Variants in GNAQ observed in about 807,000 individuals in gnomAD.
GNAQ encodes the protein guanine nucleotide-binding protein G(q) subunit alpha.
In GNAQ, 8 loss-of-function variants were observed where a neutral mutation model predicts 43.9. The ratio of observed to expected loss-of-function variants is 0.18; its 90% CI spans 0.11 to 0.33. The LOEUF is 0.33. Among genes scored for constraint, GNAQ ranks in the 10% least tolerant of loss-of-function variants. The pLI is 1.00. For synonymous variants in GNAQ, 155 were observed against 170.7 expected, an observed-to-expected ratio of 0.91 and a Z score of 0.71; for missense variants, 158 against 450.8, an observed-to-expected ratio of 0.35 and a Z score of 5.88.
At chr9:77,845,095 T>A (rs532845876) in intron 2 of GNAQ, among the ~76,000 whole-genome samples, 64 of 152,332 alleles carry the variant, frequency 4.2e-4, no homozygotes, top group African/African-American at 5.8e-4. Flanking sequence ...AGTTTTTTTT[T>A]AAAGCATTTC....
chr9:77,899,394 G>T (rs988802369), intron 2 of GNAQ, among the ~76,000 whole-genome samples: 2 of 151,994 alleles, frequency 1.3e-5, no homozygotes, highest in Non-Finnish European at 2.9e-5. Flanking sequence ...ACTGTGTCCG[G>T]TCTCATTCAC....
intron 5 of GNAQ, among the ~76,000 whole-genome samples, chr9:77,778,317 T>C (rs1462590559): frequency 6.6e-6 from 1 of 151,940 alleles, no homozygotes; most frequent in African/African-American, 2.4e-5. Context: ...TATTTTGTTA[T>C]TACAAGGTAC....
At chr9:77,762,102 C>T (rs1402006760) in intron 5 of GNAQ, among the ~76,000 whole-genome samples, 6 of 131,676 alleles carry the variant, frequency 4.6e-5, no homozygotes, top group East Asian at 2.5e-4. Flanking sequence ...CCTGGCCAGC[C>T]GCCCCATCCG....
chr9:78,021,889 T>C (rs1823914836), intron 1 of GNAQ, among the ~76,000 whole-genome samples: 1 of 152,256 alleles, frequency 6.6e-6, no homozygotes. Flanking sequence ...CGAGCAGCGC[T>C]GGAACACTGC....
intron 5 of GNAQ, among the ~76,000 whole-genome samples, chr9:77,742,325 C>CA (rs1465862929): frequency 6.6e-6 from 1 of 151,952 alleles, no homozygotes; most frequent in East Asian, 1.9e-4. Flanking sequence ...ATATAGAAGG[C>CA]AAAAATGGTA....
intron 2 of GNAQ, among the ~76,000 whole-genome samples, chr9:77,843,606 A>C (rs752948342): frequency 3.7e-4 from 57 of 152,202 alleles, no homozygotes; most frequent in Non-Finnish European, 7.1e-4. Context: ...GTAGTTTGGC[A>C]TATTTGCCCT....
Position 77,727,160 on chromosome 9 carries a change from T to C in GNAQ, c.889+1354A>G, listed in dbSNP as rs560561830. On this transcript the variant is annotated intron_variant, in intron 6 of 6. Coordinates refer to ENST00000286548, the MANE Select transcript of GNAQ (RefSeq NM_002072.5). ...AGTATAGTGGCAGGATCATGGCTCA[T>C]TGCAGTCTTGACCTCTTGCCAACTC... Among the ~76,000 whole-genome samples the C allele has an allele frequency of 4.6e-5, 7 of 151,858 alleles. No homozygotes were observed. The South Asian group carries it at 6.3e-4, about 14-fold the overall frequency.
At chr9:77,967,552 A>G (rs1272619535) in intron 1 of GNAQ, among the ~76,000 whole-genome samples, 2 of 152,182 alleles carry the variant, frequency 1.3e-5, no homozygotes, top group East Asian at 3.9e-4. Flanking sequence ...ATGGTGACTC[A>G]AGGAAGCCAG....
intron 2 of GNAQ, among the ~76,000 whole-genome samples, chr9:77,846,035 A>G (rs1827579321): frequency 6.6e-6 from 1 of 152,184 alleles, no homozygotes; most frequent in South Asian, 2.1e-4. Context: ...CCTTGAGGAA[A>G]CGAGGCACAC....
chr9:77,883,994 C>A (rs1393676986), intron 2 of GNAQ, among the ~76,000 whole-genome samples: 1 of 152,166 alleles, frequency 6.6e-6, no homozygotes, highest in Non-Finnish European at 1.5e-5. Context: ...TGTCTTTGAC[C>A]AACAAGTATG....
chr9:77,747,088 C>A (rs564723129), intron 5 of GNAQ, among the ~76,000 whole-genome samples: 1 of 152,164 alleles, frequency 6.6e-6, no homozygotes, highest in East Asian at 1.9e-4. Flanking sequence ...GGTAGTTACC[C>A]AAATTTTAAA....
intron 1 of GNAQ, among the ~76,000 whole-genome samples, chr9:77,962,705 C>T (rs1823120494): frequency 6.6e-6 from 1 of 151,866 alleles, no homozygotes; most frequent in African/African-American, 2.4e-5. Context: ...GCCTGGCCAA[C>T]ATGGTGAAAC....
intron 1 of GNAQ, among the ~76,000 whole-genome samples, chr9:78,030,239 G>A (rs188011856): frequency 6.6e-6 from 1 of 152,216 alleles, no homozygotes. Context: ...GTGAACTGAG[G>A]CCTACATCTA....
At chr9:77,836,183 T>C (rs1350553115) in intron 2 of GNAQ, among the ~76,000 whole-genome samples, 5 of 151,576 alleles carry the variant, frequency 3.3e-5, no homozygotes, top group Non-Finnish European at 5.9e-5. Flanking sequence ...TTCTCCTATT[T>C]TTTTTTTCCT....
At chr9:77,747,204 A>ATAAT (rs1587895732) in intron 5 of GNAQ, among the ~76,000 whole-genome samples, 1 of 152,034 alleles carries the variant, frequency 6.6e-6, no homozygotes, top group East Asian at 1.9e-4. Flanking sequence ...AGTTATTAAA[A>ATAAT]TAATAAATAT....
intron 1 of GNAQ, among the ~76,000 whole-genome samples, chr9:78,002,014 T>TA (rs1823649463): frequency 6.6e-6 from 1 of 152,218 alleles, no homozygotes; most frequent in Non-Finnish European, 1.5e-5. Context: ...AAAAAGGTTG[T>TA]AAATTTATCC....
At chr9:77,760,707 A>T (rs1825987350) in intron 5 of GNAQ, among the ~76,000 whole-genome samples, 1 of 147,918 alleles carries the variant, frequency 6.8e-6, no homozygotes. Flanking sequence ...CTGGCTGCCC[A>T]GTCTGGAAAG....
chr9:77,969,833 A>C (rs17064001), intron 1 of GNAQ, among the ~76,000 whole-genome samples: 9,021 of 152,264 alleles, frequency 0.059, 292 homozygotes, highest in African/African-American at 0.066. Flanking sequence ...GTGTTGTCTT[A>C]ATTTCAGGCA....
At chr9:77,805,153 T>C (rs1826807908) in intron 3 of GNAQ, among the ~76,000 whole-genome samples, 1 of 152,154 alleles carries the variant, frequency 6.6e-6, no homozygotes, top group Admixed American at 6.5e-5. Context: ...GGAGAGGTTT[T>C]GGTAGCATAA....
Sources: gnomAD v4.1 joint callset for allele counts (sites outside exome capture counted in the v4.1 genomes callset) on GRCh38, gnomAD v4.1.1 for gene constraint, MANE v1.5 for transcripts, NCBI Gene and HGNC (gene_info 2026-07-23, HGNC 2026-07-21) for gene names.